Variants in ADGRB3 observed in about 807,000 individuals in gnomAD.
ADGRB3 encodes the protein adhesion G protein-coupled receptor B3, also known as brain-specific angiogenesis inhibitor 3.
ADGRB3 carries 37 observed loss-of-function variants against 193.4 expected under a neutral mutation model. That is an observed-to-expected ratio of 0.19 (90% confidence interval 0.15 to 0.25). The LOEUF is 0.25. ADGRB3 is among the 10% of genes least tolerant of loss of function. The pLI, the probability that ADGRB3 is intolerant of heterozygous loss-of-function variation, is 1.00. For synonymous variants in ADGRB3, 690 were observed against 644.2 expected (o/e 1.07, Z -1.08); for missense variants, 1,637 against 1,852.9 (o/e 0.88, Z 2.14).
At chr6:69,363,154 TTTTTCCAAA>T (rs1769488153) in intron 29 of ADGRB3, among the ~76,000 whole-genome samples, 1 of 151,948 alleles carries the variant, frequency 6.6e-6, no homozygotes, top group Non-Finnish European at 1.5e-5. Context: ...CAGTTTGTAA[TTTTTCCAAA>T]TTTCCGTATC....
intron 24 of ADGRB3, 23 bp from the exon 25 acceptor site, chr6:69,338,893 G>A (rs777658991): frequency 1.9e-6 from 3 of 1,597,590 alleles, no homozygotes; most frequent in Admixed American, 3.5e-5. Flanking sequence ...TGTTCTTTTT[G>A]TGGGTGTTCT....
chr6:68,795,846 T>G (rs1322588657), intron 3 of ADGRB3, among the ~76,000 whole-genome samples: 2 of 152,140 alleles, frequency 1.3e-5, no homozygotes, highest in Admixed American at 1.3e-4. Flanking sequence ...GAACAGCATT[T>G]GTTTCATTTT....
chr6:68,849,739 TCTTCTAA>T (rs1437345126), intron 3 of ADGRB3, among the ~76,000 whole-genome samples: 1 of 151,940 alleles, frequency 6.6e-6, no homozygotes, highest in Non-Finnish European at 1.5e-5. Flanking sequence ...TCCATCTGTA[TCTTCTAA>T]CTTCTTAGAT....
At chr6:69,255,724 A>C (rs1306133459) in intron 20 of ADGRB3, among the ~76,000 whole-genome samples, 2 of 152,126 alleles carry the variant, frequency 1.3e-5, no homozygotes, top group East Asian at 3.9e-4. Context: ...CCATTTGTCA[A>C]TTTTGGCTTT....
At chr6:69,388,411 C>G (rs1731806332) in intron 31 of ADGRB3, among the ~76,000 whole-genome samples, 1 of 152,104 alleles carries the variant, frequency 6.6e-6, no homozygotes, top group Non-Finnish European at 1.5e-5. Flanking sequence ...GTCATACTGA[C>G]AATTCACAAC....
intron 3 of ADGRB3, among the ~76,000 whole-genome samples, chr6:68,680,100 G>GCCAAAGAAAGGATCTA (rs1419031355): frequency 6.6e-6 from 1 of 152,088 alleles, no homozygotes; most frequent in Non-Finnish European, 1.5e-5. Context: ...GTTGGTTCTT[G>GCCAAAGAAAGGATCTA]CCAAAGAAAG....
intron 17 of ADGRB3, among the ~76,000 whole-genome samples, chr6:69,125,166 G>T (rs1054362935): frequency 6.6e-6 from 1 of 152,124 alleles, no homozygotes; most frequent in African/African-American, 2.4e-5. Context: ...TTTGGACAGT[G>T]TTACCTTTCC....
chr6:68,903,587 T>C (rs1440812971), intron 3 of ADGRB3, among the ~76,000 whole-genome samples: 2 of 152,154 alleles, frequency 1.3e-5, no homozygotes, highest in African/African-American at 2.4e-5. Context: ...AATGAAAATA[T>C]TGCCTATAAT....
intron 3 of ADGRB3, among the ~76,000 whole-genome samples, chr6:68,679,016 C>T (rs987371887): frequency 2.0e-5 from 3 of 152,032 alleles, no homozygotes; most frequent in Non-Finnish European, 2.9e-5. Flanking sequence ...AATTTCTTAT[C>T]CTATTTTACT....
intron 20 of ADGRB3, among the ~76,000 whole-genome samples, chr6:69,316,251 C>T (rs1285387609): frequency 2.0e-5 from 3 of 151,218 alleles, no homozygotes; most frequent in Non-Finnish European, 4.4e-5. Context: ...ATATTTCATA[C>T]TCTAAGAAAC....
rs371587255 is a variant in ADGRB3 at position 68,943,985 on chromosome 6, C to G, written c.1186C>G (p.Leu396Val). The G allele has an allele frequency of 8.1e-6, 13 of 1,603,506 alleles. No homozygotes were observed. The East Asian group carries it at 2.0e-4, about 25-fold the overall frequency. Residue 396 changes from leucine to valine, a missense_variant, in exon 6 of 32, where the codon CTT becomes GTT. By Grantham distance (32) the Leu-to-Val change is conservative. Around this residue, in one of 7 missense-constraint regions of ADGRB3, gnomAD observed 641 missense variants for 673.9 expected, o/e 0.95. Transcript: ENST00000370598. ...ACATCATAAGCCTTGTAATATTGCT[C>G]TTTGCCCAGGTGAGCCTATTCTGCA... ...ETHHKPCNIA[L>V]CPVDGQWQEW...
intron 3 of ADGRB3, among the ~76,000 whole-genome samples, chr6:68,787,299 A>T (rs1766996101): frequency 6.6e-6 from 1 of 152,122 alleles, no homozygotes; most frequent in African/African-American, 2.4e-5. Context: ...TTTGTCATAG[A>T]TCGCTCTTAT....
chr6:69,228,625 G>A (rs16900579), intron 17 of ADGRB3, among the ~76,000 whole-genome samples: 13,857 of 152,162 alleles, frequency 0.091, 690 homozygotes, highest in Middle Eastern at 0.24. Context: ...CTGGTGATGG[G>A]AAAGTACCTG....
At chr6:69,201,690 C>T (rs1333633910) in intron 17 of ADGRB3, among the ~76,000 whole-genome samples, 1 of 152,080 alleles carries the variant, frequency 6.6e-6, no homozygotes, top group Non-Finnish European at 1.5e-5. Flanking sequence ...AGGATTATAA[C>T]CACATGGGTC....
chr6:69,155,488 T>C (rs918117340), intron 17 of ADGRB3, among the ~76,000 whole-genome samples: 6 of 152,242 alleles, frequency 3.9e-5, no homozygotes, highest in Non-Finnish European at 8.8e-5. Flanking sequence ...ATACCTTTTG[T>C]TCTTTATCAA....
intron 26 of ADGRB3, among the ~76,000 whole-genome samples, chr6:69,339,980 A>G (rs1398618801): frequency 2.6e-5 from 4 of 152,190 alleles, no homozygotes; most frequent in African/African-American, 7.2e-5. Flanking sequence ...TTGAAGATGA[A>G]TGCTTAGATC....
chr6:69,056,617 A>G (rs634371), intron 15 of ADGRB3, among the ~76,000 whole-genome samples: 74,931 of 151,982 alleles, frequency 0.49, 20,523 homozygotes, highest in East Asian at 0.94. Flanking sequence ...TTATGTTTAC[A>G]TCTTAATCCA....
intron 3 of ADGRB3, among the ~76,000 whole-genome samples, chr6:68,788,483 C>T (rs926894060): frequency 6.6e-6 from 1 of 152,092 alleles, no homozygotes; most frequent in Non-Finnish European, 1.5e-5. Flanking sequence ...GTTTCTTAAT[C>T]CTGAGTTCTA....
intron 3 of ADGRB3, among the ~76,000 whole-genome samples, chr6:68,926,523 G>C (rs970846246): frequency 2.0e-5 from 3 of 152,186 alleles, no homozygotes; most frequent in Admixed American, 1.3e-4. Context: ...GTCCACTTTG[G>C]CCACACAATG....
Sources: gnomAD v4.1 joint callset for allele counts (sites outside exome capture counted in the v4.1 genomes callset) on GRCh38, gnomAD v4.1.1 for gene constraint, gnomAD v4.1.1 regional missense constraint, MANE v1.5 for transcripts, NCBI Gene and HGNC (gene_info 2026-07-23, HGNC 2026-07-21) for gene names.